ITGAV: variants seen among roughly 807,000 people sequenced by gnomAD.
ITGAV encodes integrin subunit alpha V.
A neutral mutation model predicts 143.8 loss-of-function variants in ITGAV; 76 were observed. That is an observed-to-expected ratio of 0.53 (90% CI 0.44 to 0.64). The LOEUF (loss-of-function observed/expected upper bound fraction) is 0.64. ITGAV is among the 30% of genes least tolerant of loss of function. The probability of loss-of-function intolerance (pLI) is 0.00; values close to 1 mark genes in which losing one functional copy is unlikely to be tolerated. For missense variants in ITGAV, 1,193 were observed against 1,274.7 expected, an observed-to-expected ratio of 0.94 and a Z score of 0.98; for synonymous variants, 453 against 446.7, an observed-to-expected ratio of 1.01 and a Z score of -0.18.
intron 2 of ITGAV, among the ~76,000 whole-genome samples, chr2:186,605,027 G>A (rs1687021073): frequency 6.6e-6 from 1 of 152,172 alleles, no homozygotes; most frequent in African/African-American, 2.4e-5. Flanking sequence ...GAACGAGATG[G>A]CACACTTAAA....
intron 4 of ITGAV, among the ~76,000 whole-genome samples, chr2:186,627,967 G>C (rs1026673817): frequency 1.3e-5 from 2 of 152,072 alleles, no homozygotes; most frequent in East Asian, 3.9e-4. Flanking sequence ...ACCTATAATA[G>C]GCCTAAATTG....
chr2:186,652,630 A>C (rs1688467891), intron 15 of ITGAV, among the ~76,000 whole-genome samples: 1 of 152,238 alleles, frequency 6.6e-6, no homozygotes, highest in South Asian at 2.1e-4. Context: ...GAATATTTTC[A>C]AAAAGAAAGA....
intron 6 of ITGAV, among the ~76,000 whole-genome samples, chr2:186,635,495 C>T (rs561459060): frequency 1.3e-5 from 2 of 152,272 alleles, no homozygotes; most frequent in South Asian, 2.1e-4. Flanking sequence ...CTTTCTAAAA[C>T]AGCAGAAATG....
At chr2:186,594,901 A>G (rs1686705678) in intron 1 of ITGAV, among the ~76,000 whole-genome samples, 1 of 152,216 alleles carries the variant, frequency 6.6e-6, no homozygotes, top group Non-Finnish European at 1.5e-5. Flanking sequence ...ACTAGGCTAT[A>G]ATTTTGTTAT....
chr2:186,654,481 G>C (rs934160772), intron 15 of ITGAV, among the ~76,000 whole-genome samples, 169 bp from the exon 16 acceptor site: 2 of 152,098 alleles, frequency 1.3e-5, no homozygotes, highest in Non-Finnish European at 2.9e-5. Flanking sequence ...TGAAGGATGA[G>C]TTAGGTTAGT....
At position 186,604,069 on chromosome 2, in the gene ITGAV, C is replaced by A. The variant is rs370252610; in HGVS notation, c.316+1918C>A. On this transcript the variant is annotated intron_variant, in intron 2 of 29. Coordinates refer to ENST00000261023, the MANE Select transcript of ITGAV (RefSeq NM_002210.5). ...TTTTTTTTAAAGAGATGGGGTTTTG[C>A]CATATTGCCCAGGCTGGTCTCAAAA... Among the ~76,000 whole-genome samples the A allele has an allele frequency of 1.3e-3, 193 of 151,780 alleles. No individual in the cohort carries two copies. The South Asian group carries it at 0.013, about 10-fold the overall frequency.
chr2:186,653,421 G>C (rs569994762), intron 15 of ITGAV, among the ~76,000 whole-genome samples: 1 of 152,038 alleles, frequency 6.6e-6, no homozygotes, highest in Non-Finnish European at 1.5e-5. Context: ...TTACACAGAC[G>C]AGTTGCAGAG....
chr2:186,673,709 C>A (rs1689129084), intron 26 of ITGAV, among the ~76,000 whole-genome samples: 1 of 151,890 alleles, frequency 6.6e-6, no homozygotes, highest in African/African-American at 2.4e-5. Context: ...CTCTTGTTGT[C>A]CAGGCTGGAG....
intron 1 of ITGAV, among the ~76,000 whole-genome samples, chr2:186,594,987 A>G (rs1686707964): frequency 6.6e-6 from 1 of 152,222 alleles, no homozygotes; most frequent in Admixed American, 6.5e-5. Context: ...GACAAGGGAA[A>G]ATATGTGGAA....
chr2:186,615,270 G>T (rs1171048810), intron 2 of ITGAV, among the ~76,000 whole-genome samples: 2 of 152,056 alleles, frequency 1.3e-5, no homozygotes, highest in East Asian at 1.9e-4. Flanking sequence ...GAACATTCAT[G>T]TGCAAATCTT....
chr2:186,678,603 T>C lies in ITGAV; in HGVS notation c.*1311T>C, dbSNP rs985014783. On this transcript the variant is annotated 3_prime_UTR_variant, in exon 30 of 30. Transcript: ENST00000261023. ...AGTATAAATTACTTTTCTAGGATTATTAATAAAAGCCACATAGGTGGCAAG... is the reference window on the plus strand; with the variant it reads ...AGTATAAATTACTTTTCTAGGATTACTAATAAAAGCCACATAGGTGGCAAG... 2.7e-5 allele frequency: 9 copies of C among 338,298 alleles called. No homozygotes were observed. The highest frequency in any genetic ancestry group is 1.5e-4 in the African/African-American group (7 of 45,420). The allele number at this position is 338,298 out of a possible 1,614,324, so 21.0% of individuals were successfully genotyped here. A position where few individuals can be genotyped will look rare whatever the true frequency, so the allele number is the denominator to read the frequency against.
chr2:186,592,416 G>T (rs1397925921), intron 1 of ITGAV, among the ~76,000 whole-genome samples: 1 of 152,194 alleles, frequency 6.6e-6, no homozygotes, highest in Non-Finnish European at 1.5e-5. Context: ...CTGGGCGATA[G>T]AGAGAGACTG....
chr2:186,606,873 G>A (rs1313655281), intron 2 of ITGAV, among the ~76,000 whole-genome samples: 3 of 152,134 alleles, frequency 2.0e-5, no homozygotes, highest in East Asian at 1.9e-4. Flanking sequence ...CCAGCTTCAG[G>A]GGATGCTTAT....
At chr2:186,673,793 G>A (rs747721254) in intron 26 of ITGAV, among the ~76,000 whole-genome samples, 32 of 152,014 alleles carry the variant, frequency 2.1e-4, no homozygotes, top group Non-Finnish European at 2.6e-4. Context: ...TTGGCCTACC[G>A]AGTAGCTGGG....
chr2:186,592,875 T>C (rs1686652801), intron 1 of ITGAV, among the ~76,000 whole-genome samples: 1 of 152,156 alleles, frequency 6.6e-6, no homozygotes, highest in Admixed American at 6.5e-5. Flanking sequence ...TTTTCTTTTT[T>C]CTTTTTAAAC....
chr2:186,611,155 G>A (rs1006992810), intron 2 of ITGAV, among the ~76,000 whole-genome samples: 4 of 151,950 alleles, frequency 2.6e-5, no homozygotes, highest in Non-Finnish European at 4.4e-5. Context: ...TGCATTACTC[G>A]AACATTGACC....
At chr2:186,608,401 T>C (rs1175637882) in intron 2 of ITGAV, among the ~76,000 whole-genome samples, 1 of 152,186 alleles carries the variant, frequency 6.6e-6, no homozygotes, top group Non-Finnish European at 1.5e-5. Context: ...GTAACTATAT[T>C]CCTTCCTACA....
At chr2:186,648,673 C>T (rs1688330283) in intron 13 of ITGAV, among the ~76,000 whole-genome samples, 1 of 151,942 alleles carries the variant, frequency 6.6e-6, no homozygotes. Context: ...CCATGTTGAT[C>T]AGGCTGGTCT....
rs1689006831 is a variant in ITGAV, at chr2:186,669,599, A to G, written c.2593-102A>G. The G allele has an allele frequency of 5.3e-6, 4 of 752,184 alleles. No individual in the cohort carries two copies. The East Asian group carries it at 8.1e-5, about 15-fold the overall frequency. 46.6% of individuals were successfully genotyped at this position (752,184 alleles called of 1,614,324 possible). A position where few individuals can be genotyped will look rare whatever the true frequency, so the allele number is the denominator to read the frequency against. On this transcript the variant is annotated intron_variant, in intron 25 of 29. Coordinates refer to ENST00000261023, the MANE Select transcript of ITGAV (RefSeq NM_002210.5). Reference sequence around the variant, plus strand: ...AAATATTCTGTCATACTAAATTTTCATTCACTATTTTTTAATCATATCTAA... The same window carrying G: ...AAATATTCTGTCATACTAAATTTTCGTTCACTATTTTTTAATCATATCTAA...
Sources: allele counts gnomAD v4.1 joint callset (sites outside exome capture counted in the v4.1 genomes callset), GRCh38; gene constraint gnomAD v4.1.1; transcripts MANE v1.5; gene names NCBI Gene and HGNC (gene_info 2026-07-23, HGNC 2026-07-21).